The following STX8 variants were observed in gnomAD, a reference collection of about 807,000 sequenced individuals.
STX8 encodes the protein syntaxin 8.
In STX8, 23 loss-of-function variants were observed where a neutral mutation model predicts 37.5. The observed-to-expected ratio is 0.61, with a 90% CI of 0.44 to 0.87. STX8 has a LOEUF of 0.87. Ranked by LOEUF, STX8 falls within the 40% of genes least tolerant of loss-of-function variation. The pLI, the probability that STX8 is intolerant of heterozygous loss-of-function variation, is 0.00. For synonymous variants in STX8, 115 were observed against 99.1 expected, an observed-to-expected ratio of 1.16 and a Z score of -0.95; for missense variants, 313 against 284.7, an observed-to-expected ratio of 1.10 and a Z score of -0.71.
At chr17:9,565,700 G>T (rs995734947) in intron 2 of STX8, among the ~76,000 whole-genome samples, 8 of 151,050 alleles carry the variant, frequency 5.3e-5, no homozygotes, top group African/African-American at 1.9e-4. Context: ...ACAAAAACAA[G>T]CAATGGGGGA....
chr17:9,526,136 C>G (rs1196500819), intron 4 of STX8, among the ~76,000 whole-genome samples: 1 of 151,382 alleles, frequency 6.6e-6, no homozygotes, highest in African/African-American at 2.4e-5. Flanking sequence ...ATGAGGGCCC[C>G]TGAAAGGGAA....
intron 6 of STX8, among the ~76,000 whole-genome samples, chr17:9,399,255 T>C (rs974235966): frequency 1.3e-5 from 2 of 152,124 alleles, no homozygotes; most frequent in African/African-American, 4.8e-5. Context: ...GCATCCCTAT[T>C]TACATGGAAG....
chr17:9,359,576 C>T (rs928270408), intron 7 of STX8, among the ~76,000 whole-genome samples: 1 of 143,376 alleles, frequency 7.0e-6, no homozygotes, highest in Non-Finnish European at 1.5e-5. Context: ...GGTGCAATCT[C>T]GGCTCACTGC....
chr17:9,443,524 T>TA (rs1904736740), intron 6 of STX8, among the ~76,000 whole-genome samples: 1 of 152,040 alleles, frequency 6.6e-6, no homozygotes, highest in Non-Finnish European at 1.5e-5. Flanking sequence ...AAATCCCTTC[T>TA]AGGGCTCCCC....
intron 6 of STX8, among the ~76,000 whole-genome samples, chr17:9,392,980 T>A (rs1353157621): frequency 3.3e-5 from 5 of 152,068 alleles, no homozygotes; most frequent in Non-Finnish European, 7.4e-5. Context: ...GCAAAGAACA[T>A]ACACCTACAT....
chr17:9,481,866 C>G (rs1307222461), intron 6 of STX8, among the ~76,000 whole-genome samples: 1 of 152,196 alleles, frequency 6.6e-6, no homozygotes, highest in Non-Finnish European at 1.5e-5. Flanking sequence ...TTACGACAAT[C>G]TGATGCCTGG....
At chr17:9,253,045 G>A (rs1025992607) in intron 7 of STX8, among the ~76,000 whole-genome samples, 2 of 152,218 alleles carry the variant, frequency 1.3e-5, no homozygotes, top group African/African-American at 2.4e-5. Context: ...GCATCAGTTC[G>A]CCCACTTAGG....
chr17:9,488,355 G>C (rs985067636), intron 6 of STX8, among the ~76,000 whole-genome samples: 1 of 151,728 alleles, frequency 6.6e-6, no homozygotes, highest in Admixed American at 6.6e-5. Flanking sequence ...GTGGTAGACA[G>C]AACAGTGGCT....
chr17:9,424,912 T>C (rs1392683007), intron 6 of STX8, among the ~76,000 whole-genome samples: 2 of 152,044 alleles, frequency 1.3e-5, no homozygotes, highest in African/African-American at 4.8e-5. Context: ...GAAATAACTA[T>C]AAATCATCCA....
chr17:9,413,867 T>C (rs997434337), intron 6 of STX8, among the ~76,000 whole-genome samples: 1 of 137,040 alleles, frequency 7.3e-6, no homozygotes, highest in African/African-American at 2.7e-5. Flanking sequence ...TGTAAGTATG[T>C]ATGCATCTAT....
intron 6 of STX8, among the ~76,000 whole-genome samples, chr17:9,385,262 TTC>T (rs1911954393): frequency 6.6e-6 from 1 of 152,204 alleles, no homozygotes; most frequent in South Asian, 2.1e-4. Flanking sequence ...TTGAACACAG[TTC>T]TGTTTATATA....
At chr17:9,429,554 T>C (rs1344190195) in intron 6 of STX8, among the ~76,000 whole-genome samples, 1 of 140,022 alleles carries the variant, frequency 7.1e-6, no homozygotes, top group Non-Finnish European at 1.5e-5. Context: ...GTACAAAAAA[T>C]TAGCCGGGCG....
chr17:9,341,033 T>G (rs1301127543), intron 7 of STX8, among the ~76,000 whole-genome samples: 1 of 148,300 alleles, frequency 6.7e-6, no homozygotes, highest in East Asian at 1.9e-4. Context: ...ATATATAAAT[T>G]ATAAATTGTA....
intron 7 of STX8, among the ~76,000 whole-genome samples, chr17:9,300,086 C>T (rs964841702): frequency 1.3e-5 from 2 of 152,138 alleles, no homozygotes; most frequent in African/African-American, 2.4e-5. Context: ...AATCCCAGCA[C>T]TTTGGGAGAC....
chr17:9,288,703 TAA>T (rs1312059318), intron 7 of STX8, among the ~76,000 whole-genome samples: 1 of 150,276 alleles, frequency 6.7e-6, no homozygotes, highest in African/African-American at 2.5e-5. Context: ...AATAAATAAA[TAA>T]AAGAATTTCA....
intron 5 of STX8, among the ~76,000 whole-genome samples, chr17:9,501,959 ACT>A (rs982913442): frequency 1.4e-4 from 21 of 152,192 alleles, no homozygotes; most frequent in African/African-American, 5.1e-4. Context: ...ACAGAGCAAG[ACT>A]CTGTCTCAAA....
intron 7 of STX8, among the ~76,000 whole-genome samples, chr17:9,265,735 C>A (rs150731094): frequency 0.011 from 1,748 of 152,278 alleles, 22 homozygotes; most frequent in Middle Eastern, 0.02. Flanking sequence ...GTTCTAGGCA[C>A]TGGGGCTGCA....
chr17:9,262,587 T>C (rs1907080452), intron 7 of STX8, among the ~76,000 whole-genome samples: 1 of 142,854 alleles, frequency 7.0e-6, no homozygotes, highest in Non-Finnish European at 1.5e-5. Context: ...TTGTTTTGTT[T>C]TTTTGTTTTT....
intron 6 of STX8, among the ~76,000 whole-genome samples, chr17:9,387,344 G>C (rs1286465722): frequency 6.6e-6 from 1 of 151,956 alleles, no homozygotes; most frequent in Non-Finnish European, 1.5e-5. Context: ...CACTCAGGCT[G>C]GAGTGCAGTG....
Sources: allele counts gnomAD v4.1 joint callset (sites outside exome capture counted in the v4.1 genomes callset), GRCh38; gene constraint gnomAD v4.1.1; transcripts MANE v1.5; gene names NCBI Gene and HGNC (gene_info 2026-07-23, HGNC 2026-07-21).